Variants in PPM1L observed in about 807,000 individuals in gnomAD.
PPM1L encodes the protein protein phosphatase, Mg2+/Mn2+ dependent 1L.
A neutral mutation model predicts 31.4 loss-of-function variants in PPM1L; 13 were observed. The ratio of observed to expected loss-of-function variants is 0.41; its 90% confidence interval spans 0.27 to 0.66. The LOEUF is 0.66. Among genes scored for constraint, PPM1L ranks in the 30% least tolerant of loss-of-function variants. The pLI, the probability that PPM1L is intolerant of heterozygous loss-of-function variation, is 0.29. For missense variants in PPM1L, 326 were observed against 453.7 expected (o/e 0.72, Z 2.56); for synonymous variants, 184 against 175.4 (o/e 1.05, Z -0.39).
Position 161,069,061 on chromosome 3 carries a change from G to A in PPM1L, c.987G>A (p.Lys329=). Residue 329 remains lysine (K), a synonymous_variant, in exon 4 of 4, where the codon AAG becomes AAA. Coordinates refer to ENST00000498165, the MANE Select transcript of PPM1L (RefSeq NM_139245.4). ...TGGATGAACCTCACTTTGGGGCCAA[G>A]AGCATAGTTTTACAGTCATTTTACA... ...ERLDEPHFGA[K]SIVLQSFYRG... 1 of 1,614,196 alleles carries A rather than the reference G, an allele frequency of 6.2e-7. No homozygotes were observed. Among genetic ancestry groups the A allele is most frequent in the Non-Finnish European group, 8.5e-7 (1 of 1,180,038 alleles).
At chr3:160,863,920 A>C (rs775167006) in intron 1 of PPM1L, among the ~76,000 whole-genome samples, 6 of 152,270 alleles carry the variant, frequency 3.9e-5, no homozygotes, top group Non-Finnish European at 7.3e-5. Flanking sequence ...AGTCTAAATG[A>C]ATATTTGAGA....
At chr3:161,068,174 A>G (rs1223098420) in intron 3 of PPM1L, among the ~76,000 whole-genome samples, 1 of 152,206 alleles carries the variant, frequency 6.6e-6, no homozygotes, top group Non-Finnish European at 1.5e-5. Context: ...TTCATTTCTC[A>G]ACAACCCAAT....
At chr3:160,786,436 T>C (rs1425698225) in intron 1 of PPM1L, among the ~76,000 whole-genome samples, 1 of 151,294 alleles carries the variant, frequency 6.6e-6, no homozygotes, top group African/African-American at 2.4e-5. Flanking sequence ...CCGGCTGGTC[T>C]CGAACTCCTG....
intron 2 of PPM1L, among the ~76,000 whole-genome samples, chr3:160,973,185 G>C (rs76080810): frequency 0.022 from 3,421 of 152,292 alleles, 139 homozygotes; most frequent in African/African-American, 0.077. Context: ...TTAGAATCAG[G>C]AAGTGCCATC....
chr3:160,887,435 A>T (rs1391221353), intron 1 of PPM1L, among the ~76,000 whole-genome samples: 2 of 152,102 alleles, frequency 1.3e-5, no homozygotes, highest in Non-Finnish European at 2.9e-5. Flanking sequence ...TAATCATAAA[A>T]TTCTCCAAGG....
chr3:160,892,047 A>G (rs993105523), intron 1 of PPM1L, among the ~76,000 whole-genome samples: 4 of 152,202 alleles, frequency 2.6e-5, no homozygotes, highest in African/African-American at 9.6e-5. Context: ...TCTAATGTTG[A>G]TGACGGGTTG....
At chr3:160,879,748 T>C (rs1712640919) in intron 1 of PPM1L, among the ~76,000 whole-genome samples, 1 of 151,974 alleles carries the variant, frequency 6.6e-6, no homozygotes, top group South Asian at 2.1e-4. Flanking sequence ...ACACCTAGAG[T>C]TTCTGATTTT....
chr3:160,918,555 A>G (rs568220638), intron 1 of PPM1L, among the ~76,000 whole-genome samples: 7 of 152,362 alleles, frequency 4.6e-5, no homozygotes, highest in East Asian at 1.9e-4. Flanking sequence ...GAAACTATGC[A>G]TAAATATTCT....
chr3:160,830,685 C>T (rs1014690886), intron 1 of PPM1L, among the ~76,000 whole-genome samples: 2 of 152,146 alleles, frequency 1.3e-5, no homozygotes, highest in African/African-American at 2.4e-5. Flanking sequence ...TACCATTGCA[C>T]GTGCTGCAGT....
At chr3:160,988,654 C>T (rs553573370) in intron 2 of PPM1L, among the ~76,000 whole-genome samples, 3 of 152,220 alleles carry the variant, frequency 2.0e-5, no homozygotes, top group South Asian at 2.1e-4. Flanking sequence ...TTCCTTTCTG[C>T]TTGGGAGATC....
In PPM1L at chr3:161,075,042, C is replaced by A. The variant is rs1407470251; in HGVS notation, c.*5885C>A. 1 of 152,072 alleles carries A rather than the reference C, an allele frequency of 6.6e-6. No individual in the cohort carries two copies. The highest frequency in any genetic ancestry group is 1.5e-5 in the Non-Finnish European group (1 of 68,030). 9.4% of individuals were successfully genotyped at this position (152,072 alleles called of 1,614,324 possible). On this transcript the variant is annotated 3_prime_UTR_variant, in exon 4 of 4. Coordinates refer to ENST00000498165, the MANE Select transcript of PPM1L (RefSeq NM_139245.4). ...CAGATTACTGTAAGGGCACTGGTGG[C>A]AGATTGTGGTGGAGAGAGGGCTGAG... is the stretch of plus-strand genomic sequence containing the variant.
At chr3:161,010,111 G>A (rs147453833) in intron 2 of PPM1L, among the ~76,000 whole-genome samples, 49 of 152,130 alleles carry the variant, frequency 3.2e-4, no homozygotes, top group African/African-American at 9.4e-4. Context: ...CCATTAACTC[G>A]TCATTTACAT....
At chr3:160,912,825 C>T (rs1472369799) in intron 1 of PPM1L, among the ~76,000 whole-genome samples, 3 of 152,058 alleles carry the variant, frequency 2.0e-5, no homozygotes, top group African/African-American at 7.2e-5. Context: ...ATAAATGATC[C>T]CTTCCCCAAA....
At chr3:160,845,217 G>C (rs1480001591) in intron 1 of PPM1L, among the ~76,000 whole-genome samples, 1 of 151,954 alleles carries the variant, frequency 6.6e-6, no homozygotes, top group African/African-American at 2.4e-5. Flanking sequence ...GAACATTTGT[G>C]TACAATATGT....
intron 2 of PPM1L, among the ~76,000 whole-genome samples, chr3:161,025,054 T>C (rs1333534157): frequency 6.6e-6 from 1 of 152,216 alleles, no homozygotes; most frequent in African/African-American, 2.4e-5. Context: ...TTTTTAACAA[T>C]TTTTTCCAGT....
intron 1 of PPM1L, among the ~76,000 whole-genome samples, chr3:160,936,710 C>T (rs1002491876): frequency 5.9e-5 from 9 of 152,176 alleles, no homozygotes; most frequent in Non-Finnish European, 1.0e-4. Context: ...CCCAAATGGA[C>T]TTAATAAATC....
At chr3:160,928,882 T>A (rs1714691454) in intron 1 of PPM1L, among the ~76,000 whole-genome samples, 1 of 152,046 alleles carries the variant, frequency 6.6e-6, no homozygotes, top group African/African-American at 2.4e-5. Flanking sequence ...AAATTTGATT[T>A]ATAAAATGCT....
intron 2 of PPM1L, among the ~76,000 whole-genome samples, chr3:161,012,451 T>C (rs2108064215): frequency 6.6e-6 from 1 of 152,286 alleles, no homozygotes; most frequent in African/African-American, 2.4e-5. Flanking sequence ...TGCATCAATG[T>C]TAATCAAGGA....
intron 1 of PPM1L, among the ~76,000 whole-genome samples, chr3:160,936,894 G>A (rs1331002789): frequency 1.3e-5 from 2 of 152,130 alleles, no homozygotes; most frequent in Non-Finnish European, 2.9e-5. Flanking sequence ...TCTAAAAGTA[G>A]AATGAATTTC....
Sources: allele counts gnomAD v4.1 joint callset (sites outside exome capture counted in the v4.1 genomes callset), GRCh38; gene constraint gnomAD v4.1.1; transcripts MANE v1.5; gene names NCBI Gene and HGNC (gene_info 2026-07-23, HGNC 2026-07-21).